The following RANBP2 variants were observed in gnomAD, a reference collection of about 807,000 sequenced individuals.
The protein encoded by RANBP2 is RAN binding protein 2.
Under a neutral mutation model 303.6 loss-of-function variants are expected in RANBP2, and 57 were observed. The observed-to-expected ratio is 0.19, with a 90% CI of 0.15 to 0.23. The LOEUF (loss-of-function observed/expected upper bound fraction) is 0.23, where lower values mean the gene tolerates loss of function less well. Ranked by LOEUF, RANBP2 falls within the 10% of genes least tolerant of loss-of-function variation. The pLI is 1.00. For synonymous variants in RANBP2, 1,167 were observed against 1,301.5 expected, an observed-to-expected ratio of 0.90 and a Z score of 2.23; for missense variants, 3,138 against 3,780.8, an observed-to-expected ratio of 0.83 and a Z score of 4.46.
At chr2:108,925,915 C>T in the RANBP2 span, among the ~76,000 whole-genome samples, 3 of 152,128 alleles carry the variant, frequency 2.0e-5, no homozygotes, top group Admixed American at 6.5e-5. Context: ...CGAGCCTGAC[C>T]GGTGATAAAC....
At chr2:108,735,044 A>G (rs560301862) in intron 4 of RANBP2, among the ~76,000 whole-genome samples, 7 of 152,224 alleles carry the variant, frequency 4.6e-5, no homozygotes, top group Admixed American at 1.3e-4. Context: ...AAAAGCCATC[A>G]TGGTAGTGGG....
chr2:109,015,972 TG>T, the RANBP2 span, among the ~76,000 whole-genome samples: 1 of 152,156 alleles, frequency 6.6e-6, no homozygotes, highest in African/African-American at 2.4e-5. Flanking sequence ...CAAGGGTCAG[TG>T]GATATATGAA....
chr2:108,981,358 T>C, the RANBP2 span, among the ~76,000 whole-genome samples: 4 of 152,132 alleles, frequency 2.6e-5, no homozygotes, highest in Non-Finnish European at 5.9e-5. Flanking sequence ...CACCCCAACT[T>C]CAGGGAAGAA....
chr2:108,984,216 C>T, the RANBP2 span, among the ~76,000 whole-genome samples: 1 of 152,152 alleles, frequency 6.6e-6, no homozygotes, highest in African/African-American at 2.4e-5. Flanking sequence ...GCCCTTCCTG[C>T]CCTGCACCTC....
chr2:109,317,050 T>G, the RANBP2 span, among the ~76,000 whole-genome samples: 4,443 of 152,226 alleles, frequency 0.029, 236 homozygotes, highest in African/African-American at 0.1. Flanking sequence ...TCCACTCACC[T>G]CCTGAGGCTA....
the RANBP2 span, among the ~76,000 whole-genome samples, chr2:108,900,243 T>G: frequency 2.3e-4 from 35 of 152,176 alleles, no homozygotes; most frequent in South Asian, 6.2e-4. Context: ...AATGACTACA[T>G]TTAATGTAAA....
chr2:109,303,617 CAA>C, the RANBP2 span, among the ~76,000 whole-genome samples: 1 of 152,212 alleles, frequency 6.6e-6, no homozygotes, highest in Non-Finnish European at 1.5e-5. Flanking sequence ...GCTGGCGAGA[CAA>C]AGTCAGGGAG....
At chr2:109,183,275 G>C in the RANBP2 span, among the ~76,000 whole-genome samples, 1 of 151,238 alleles carries the variant, frequency 6.6e-6, no homozygotes, top group Non-Finnish European at 1.5e-5. Flanking sequence ...TTAGTTTCAG[G>C]CTTGTGTATT....
At chr2:109,390,820 C>G in the RANBP2 span, among the ~76,000 whole-genome samples, 1 of 152,172 alleles carries the variant, frequency 6.6e-6, no homozygotes. Context: ...ATGAGCCTGG[C>G]CCAGGGTGTG....
At chr2:109,368,671 A>G in the RANBP2 span, among the ~76,000 whole-genome samples, 12 of 149,908 alleles carry the variant, frequency 8.0e-5, no homozygotes, top group African/African-American at 2.7e-4. Flanking sequence ...TTCTAGACCA[A>G]TGTTAGATAC....
the RANBP2 span, among the ~76,000 whole-genome samples, chr2:108,977,640 T>C: frequency 2.5e-4 from 38 of 152,184 alleles, no homozygotes; most frequent in African/African-American, 9.1e-4. Context: ...ACTGGGGACA[T>C]CTGGACGTCC....
In RANBP2 at chr2:108,768,200, A is replaced by G. The variant is rs1159772796; in HGVS notation, c.7661A>G (p.Lys2554Arg). 1 of 1,611,872 alleles carries G rather than the reference A, an allele frequency of 6.2e-7. No individual in the cohort carries two copies. The highest frequency in any genetic ancestry group is 8.5e-7 in the Non-Finnish European group (1 of 1,179,866). The change falls in exon 20 of 29, where the codon AAA (lysine) becomes AGA (arginine). Residue 2554 changes from lysine to arginine, a missense_variant. By Grantham distance (26) the Lys-to-Arg change is conservative (BLOSUM62 2). Coordinates refer to ENST00000283195, the MANE Select transcript of RANBP2 (RefSeq NM_006267.5). ...LFGFSFNAPL[K>R]SNNSETSSVA... ...GGATTTAGTTTTAATGCACCTTTGA[A>G]AAGTAACAATAGTGAAACTAGTTCA...
At chr2:108,994,794 TTA>T in the RANBP2 span, among the ~76,000 whole-genome samples, 16 of 114,824 alleles carry the variant, frequency 1.4e-4, 1 homozygote, top group African/African-American at 5.4e-4. Flanking sequence ...GTGCATTGGG[TTA>T]TATATATATA....
At chr2:109,388,659 A>G in the RANBP2 span, among the ~76,000 whole-genome samples, 1 of 152,244 alleles carries the variant, frequency 6.6e-6, no homozygotes, top group South Asian at 2.1e-4. Flanking sequence ...ATAGGTGTTT[A>G]TCGAGCATGT....
the RANBP2 span, among the ~76,000 whole-genome samples, chr2:109,041,952 G>A: frequency 6.6e-5 from 10 of 152,058 alleles, no homozygotes; most frequent in Non-Finnish European, 1.5e-4. Flanking sequence ...GTTTTGTAAT[G>A]TTAAACAAAT....
At chr2:108,935,658 A>G in the RANBP2 span, among the ~76,000 whole-genome samples, 3 of 152,058 alleles carry the variant, frequency 2.0e-5, no homozygotes, top group Admixed American at 1.3e-4. Context: ...ACACACACAC[A>G]CACGCAGACT....
At chr2:109,640,137 G>A in the RANBP2 span, among the ~76,000 whole-genome samples, 2 of 151,454 alleles carry the variant, frequency 1.3e-5, no homozygotes, top group African/African-American at 2.4e-5. Flanking sequence ...TAGAATGGAG[G>A]AGTCCCACGA....
chr2:109,625,773 G>A, the RANBP2 span, among the ~76,000 whole-genome samples: 2 of 152,168 alleles, frequency 1.3e-5, no homozygotes, highest in Non-Finnish European at 2.9e-5. Context: ...ATTGCAGACT[G>A]AAATGTAGAG....
the RANBP2 span, among the ~76,000 whole-genome samples, chr2:109,377,247 T>C: frequency 6.6e-6 from 1 of 152,178 alleles, no homozygotes; most frequent in Non-Finnish European, 1.5e-5. Flanking sequence ...CTGAGGGTGC[T>C]GGACCTCCGT....
Sources: gnomAD v4.1 joint callset for allele counts (sites outside exome capture counted in the v4.1 genomes callset) on GRCh38, gnomAD v4.1.1 for gene constraint, MANE v1.5 for transcripts, NCBI Gene and HGNC (gene_info 2026-07-23, HGNC 2026-07-21) for gene names.